Variants in HERC1 observed in about 807,000 individuals in gnomAD.
HERC1 encodes the protein probable E3 ubiquitin-protein ligase HERC1.
Under a neutral mutation model 554.3 loss-of-function variants are expected in HERC1, and 160 were observed. That is an observed-to-expected ratio of 0.29 (90% CI 0.25 to 0.33). The LOEUF (loss-of-function observed/expected upper bound fraction) is 0.33. HERC1 is among the 10% of genes least tolerant of loss of function. The pLI, the probability that HERC1 is intolerant of heterozygous loss-of-function variation, is 1.00. For missense variants in HERC1, 4,919 were observed against 5,918.5 expected (o/e 0.83, Z 5.54); for synonymous variants, 2,175 against 2,131.7 (o/e 1.02, Z -0.56).
At chr15:63,805,385 A>G (rs1345961820) in intron 1 of HERC1, among the ~76,000 whole-genome samples, 1 of 152,240 alleles carries the variant, frequency 6.6e-6, no homozygotes, top group African/African-American at 2.4e-5. Context: ...TAAGCCAGAC[A>G]CAAAGACTAC....
rs1185932714 is a variant in HERC1 at position 63,661,026 on chromosome 15, C to T, written c.9171-1G>A. 1 of 1,609,104 alleles carries T rather than the reference C, an allele frequency of 6.2e-7. No individual in the cohort carries two copies. Among genetic ancestry groups the T allele is most frequent in the Admixed American group, 1.7e-5 (1 of 59,958 alleles). Reference sequence around the variant, plus strand: ...TAGATCTGGAGCTTGTCCCTTGTACCTGCACCAAACATGAAGAACATTGCA... The same window carrying T: ...TAGATCTGGAGCTTGTCCCTTGTACTTGCACCAAACATGAAGAACATTGCA... On this transcript the variant is annotated splice_acceptor_variant, in intron 45 of 77. Coordinates refer to ENST00000443617, the MANE Select transcript of HERC1 (RefSeq NM_003922.4). LOFTEE classifies it high-confidence loss of function.
intron 38 of HERC1, 21 bp from the exon 39 acceptor site, chr15:63,672,715 T>A (rs2070997558): frequency 6.5e-7 from 1 of 1,535,306 alleles, no homozygotes; most frequent in Non-Finnish European, 8.8e-7. Context: ...AAAAAAAGGT[T>A]AAGAAAGTAG....
Position 63,612,695 on chromosome 15 carries a change from CGA to C in HERC1, c.14095-141_14095-140del. The C allele has an allele frequency of 1.3e-6, 1 of 769,410 alleles. No homozygotes were observed. Among genetic ancestry groups the C allele is most frequent in the Non-Finnish European group, 2.0e-6 (1 of 493,514 alleles). 47.7% of individuals were successfully genotyped at this position (769,410 alleles called of 1,614,324 possible). ...TACTTGTTTCTCAGACCGCCAGGCA[CGA>C]GAGTCAGTCAAAAAGGCCCACCCTC... On this transcript the variant is annotated intron_variant, in intron 76 of 77. Coordinates refer to ENST00000443617, the MANE Select transcript of HERC1 (RefSeq NM_003922.4). This position sits in a 1 kb window ranked among gnomAD's most constrained non-coding sequence, Gnocchi z 5.0.
chr15:63,833,720 C>G (rs976691768), intron 1 of HERC1, 107 bp downstream of exon 1: 3 of 152,110 alleles, frequency 2.0e-5, no homozygotes, highest in African/African-American at 4.9e-5. Flanking sequence ...CCCGGCCGGC[C>G]CTGCGCGGCC....
chr15:63,677,656 T>C lies in HERC1; in HGVS notation c.7070+189A>G, dbSNP rs1297488621. Among the ~76,000 whole-genome samples, 2 of 152,188 alleles carry C rather than the reference T, an allele frequency of 1.3e-5. No individual in the cohort carries two copies. Among genetic ancestry groups the C allele is most frequent in the African/African-American group, 4.8e-5 (2 of 41,436 alleles). On this transcript the variant is annotated intron_variant, in intron 37 of 77. Coordinates refer to ENST00000443617, the MANE Select transcript of HERC1 (RefSeq NM_003922.4). This position sits in a 1 kb window ranked among gnomAD's most constrained non-coding sequence, Gnocchi z 4.4. ...ATGTATTTTTAAAACCCACTAGTAT[T>C]TCAAAGAACATGGGTTTAGGAAATT...
chr15:63,663,063 G>A lies in HERC1; in HGVS notation c.8822C>T (p.Ala2941Val). Reference protein sequence around the residue: ...EIDLDDEAMEAMFGQDLTSDN... With the variant: ...EIDLDDEAMEVMFGQDLTSDN... Reference sequence around the variant, plus strand: ...ACTGGTCAGGTCTTGTCCAAACATAGCTTCCATCGCCTCATCATCAAGATC... The same window carrying A: ...ACTGGTCAGGTCTTGTCCAAACATAACTTCCATCGCCTCATCATCAAGATC... The change falls in exon 44 of 78, where the codon GCT becomes GTT. Residue 2941 changes from alanine (A) to valine (V), a missense_variant. Transcript: ENST00000443617. The A allele has an allele frequency of 6.2e-7, 1 of 1,613,926 alleles. No individual in the cohort carries two copies. Among genetic ancestry groups the A allele is most frequent in the Non-Finnish European group, 8.5e-7 (1 of 1,179,868 alleles).
intron 72 of HERC1, 98 bp downstream of exon 72, chr15:63,624,060 G>A (rs1454338965): frequency 2.3e-6 from 3 of 1,307,862 alleles, no homozygotes; most frequent in Non-Finnish European, 3.2e-6. Flanking sequence ...TATCTACCCT[G>A]CCTTAGAAGT....
Position 63,756,979 on chromosome 15 carries a change from A to C in HERC1, c.1222-231T>G, listed in dbSNP as rs2142053337. On this transcript the variant is annotated intron_variant, in intron 4 of 77. Coordinates refer to ENST00000443617, the MANE Select transcript of HERC1 (RefSeq NM_003922.4). This position sits in a 1 kb window ranked among gnomAD's most constrained non-coding sequence, Gnocchi z 5.0. ...CATGTATATGTTATCTTTCCAGGTT[A>C]TTGTCCAGGTTATGATTGAATGAAA... 6.6e-6 allele frequency among the ~76,000 whole-genome samples: 1 copy of C among 152,258 alleles called. No individual in the cohort carries two copies. The highest frequency in any genetic ancestry group is 1.5e-5 in the Non-Finnish European group (1 of 68,012).
chr15:63,680,930 A>C lies in HERC1; in HGVS notation c.6226-154T>G, dbSNP rs751269951. 1.3e-5 allele frequency among the ~76,000 whole-genome samples: 2 copies of C among 152,234 alleles called. No homozygotes were observed. The highest frequency in any genetic ancestry group is 2.9e-5 in the Non-Finnish European group (2 of 68,048). On this transcript the variant is annotated intron_variant, in intron 34 of 77. Transcript: ENST00000443617. This position sits in a 1 kb window ranked among gnomAD's most constrained non-coding sequence, Gnocchi z 5.8. ...CATAAATAAAAATAACACGAAAATA[A>C]TCGCATCAATTTAGAAAGATTTTAA...
intron 25 of HERC1, among the ~76,000 whole-genome samples, chr15:63,701,065 A>C (rs901236351): frequency 7.2e-5 from 11 of 151,954 alleles, no homozygotes; most frequent in African/African-American, 2.7e-4. Flanking sequence ...TTAGAATAAA[A>C]GGTTCTTCTA....
At chr15:63,782,071 A>G (rs1249558519) in intron 1 of HERC1, among the ~76,000 whole-genome samples, 1 of 152,240 alleles carries the variant, frequency 6.6e-6, no homozygotes, top group Admixed American at 6.5e-5. Flanking sequence ...CCACAACATA[A>G]AAGTGCAAGG....
intron 12 of HERC1, among the ~76,000 whole-genome samples, chr15:63,744,485 G>C (rs907028686): frequency 5.3e-5 from 8 of 152,128 alleles, no homozygotes; most frequent in African/African-American, 1.7e-4. Flanking sequence ...CTGGGAGTCA[G>C]GGACTAGAGT....
rs763563568 is a variant in HERC1, at chr15:63,694,817, A to T, written c.5199T>A (p.Ser1733=). 4.3e-6 allele frequency: 7 copies of T among 1,613,826 alleles called. No homozygotes were observed. The African/African-American group carries it at 9.3e-5, about 22-fold the overall frequency. Residue 1733 remains serine (S), a synonymous_variant, in exon 28 of 78, where the codon TCT becomes TCA. Transcript: ENST00000443617. This position sits in a 1 kb window ranked among gnomAD's most constrained non-coding sequence, Gnocchi z 4.3. ...CTTGCAGGGCTCTTTCCAGGGTAGC[A>T]GACAACTGTTGATAAATTTTATGCA... The part of the protein sequence containing the change: ...VAVHKIYQQL[S]ATLERALQAN...
chr15:63,695,195 T>G (rs931925712), intron 27 of HERC1, among the ~76,000 whole-genome samples: 1 of 151,386 alleles, frequency 6.6e-6, no homozygotes, highest in African/African-American at 2.4e-5. Flanking sequence ...ACCACCACAC[T>G]TGGCTAATTT....
chr15:63,762,750 A>G (rs1020672810), intron 3 of HERC1, among the ~76,000 whole-genome samples: 1 of 152,230 alleles, frequency 6.6e-6, no homozygotes, highest in Non-Finnish European at 1.5e-5. Context: ...TGCTCTTCCC[A>G]TATAAACTGT....
intron 52 of HERC1, 55 bp downstream of exon 52, chr15:63,652,359 G>A: frequency 2.0e-6 from 3 of 1,507,782 alleles, no homozygotes; most frequent in Non-Finnish European, 2.7e-6. Context: ...ACCAAGATGA[G>A]GCATGTTTAG....
At chr15:63,776,372 C>A (rs1235437736) in intron 1 of HERC1, among the ~76,000 whole-genome samples, 1 of 152,208 alleles carries the variant, frequency 6.6e-6, no homozygotes, top group Non-Finnish European at 1.5e-5. Context: ...TAACTCCATC[C>A]TTCTAGTTCC....
rs758653487 is a variant in HERC1, at chr15:63,672,663, A to C, written c.7878T>G (p.Pro2626=). The part of the protein sequence containing the change: ...EIDQQAEESD[P]AQQAQTPVTT... ...TAACTGGTGTCTGTGCCTGCTGGGC[A>C]GGGTCACTTTCTTCAGCTTGTTGAT... Residue 2626 remains proline, a synonymous_variant, in exon 39 of 78, where the codon CCT becomes CCG. Transcript: ENST00000443617. 1 of 1,609,904 alleles carries C rather than the reference A, an allele frequency of 6.2e-7. No individual in the cohort carries two copies. The highest frequency in any genetic ancestry group is 1.3e-5 in the African/African-American group (1 of 74,910).
At chr15:63,643,166 G>A in intron 58 of HERC1, 108 bp from the exon 59 acceptor site, 1 of 918,548 alleles carries the variant, frequency 1.1e-6, no homozygotes. Context: ...CTACATTTTA[G>A]CTAAATTCAG....
Sources: allele counts gnomAD v4.1 joint callset (sites outside exome capture counted in the v4.1 genomes callset), GRCh38; gene constraint gnomAD v4.1.1; non-coding constraint Gnocchi (gnomAD v3.1); transcripts MANE v1.5; gene names NCBI Gene and HGNC (gene_info 2026-07-23, HGNC 2026-07-21).